The following LINC00632 variants were observed in gnomAD, a reference collection of about 807,000 sequenced individuals.
LINC00632 encodes ALDOA related specific transcript.
chrX:140,736,753 C>T (rs1244262125), intron 3 of LINC00632, among the ~76,000 whole-genome samples: 2 of 108,873 alleles, frequency 1.8e-5, no homozygotes, highest in Non-Finnish European at 3.8e-5. Context: ...AACTTTTTAA[C>T]GATATTTTAT....
chrX:140,747,724 C>T (rs1222822676), intron 3 of LINC00632, among the ~76,000 whole-genome samples: 1 of 111,061 alleles, frequency 9.0e-6, no homozygotes, highest in Non-Finnish European at 1.9e-5. Context: ...TTTTTGAAGA[C>T]GTGGAATTAG....
chrX:140,775,506 T>C (rs1931859398), exon 5 of LINC00632, among the ~76,000 whole-genome samples: 1 of 112,238 alleles, frequency 8.9e-6, no homozygotes, highest in South Asian at 3.7e-4. Context: ...TGAACTCAGT[T>C]GGACAGTTAT....
chrX:140,780,960 C>A (rs1049693327), exon 5 of LINC00632, among the ~76,000 whole-genome samples: 1 of 110,180 alleles, frequency 9.1e-6, no homozygotes, highest in Non-Finnish European at 1.9e-5. Context: ...ATCTAGTAGT[C>A]TTTGCTATTC....
intron 2 of LINC00632, among the ~76,000 whole-genome samples, chrX:140,727,467 A>T (rs1930982245): frequency 9.0e-6 from 1 of 110,739 alleles, no homozygotes; most frequent in Non-Finnish European, 1.9e-5. Flanking sequence ...AATTTTTGGT[A>T]TTTTTAATAG....
chrX:140,724,901 C>CAGACATTCCATACACACACAGAG (rs1377517658), intron 2 of LINC00632, among the ~76,000 whole-genome samples: 1 of 35,826 alleles, frequency 2.8e-5, no homozygotes, highest in Non-Finnish European at 5.9e-5. Context: ...TACACACACA[C>CAGACATTCCATACACACACAGAG]ACACATTCCA....
chrX:140,763,527 T>A (rs888471298), intron 3 of LINC00632, among the ~76,000 whole-genome samples: 11 of 111,786 alleles, frequency 9.8e-5, no homozygotes, highest in Non-Finnish European at 1.9e-5. Flanking sequence ...CACTGCTTTC[T>A]CTGAGACTCA....
At chrX:140,730,245 G>A (rs941788222) in intron 2 of LINC00632, among the ~76,000 whole-genome samples, 11 of 109,221 alleles carry the variant, frequency 1.0e-4, no homozygotes, top group Middle Eastern at 4.7e-3. Flanking sequence ...GGCACAGATC[G>A]GCACCACAAG....
exon 5 of LINC00632, chrX:140,782,637 C>T (rs1418916066): frequency 9.0e-6 from 1 of 111,728 alleles, no homozygotes; most frequent in Non-Finnish European, 1.9e-5. Flanking sequence ...CCAGCACTTA[C>T]ATCATTCAGT....
rs146087941 is a variant in LINC00632 at position 140,784,874 on chromosome X, C to G, written n.12893C>G. ...GACCAGATCTTATGAACCAACAGTACTGCAGTTTGTGTTTTTTACTATTAG... is the reference window on the plus strand; with the variant it reads ...GACCAGATCTTATGAACCAACAGTAGTGCAGTTTGTGTTTTTTACTATTAG... On this transcript the variant is annotated non_coding_transcript_exon_variant, in exon 5 of 5. Coordinates refer to ENST00000648200, the Ensembl canonical transcript of LINC00632. 4.3e-3 allele frequency: 560 copies of G among 128,848 alleles called. 4 individuals carry two copies. Among genetic ancestry groups the G allele is most frequent in the African/African-American group, 0.017 (512 of 30,944 alleles). 10.6% of individuals were successfully genotyped at this position (128,848 alleles called of 1,213,427 possible).
chrX:140,776,492 T>TCTTC (rs1307292313), exon 5 of LINC00632, among the ~76,000 whole-genome samples: 14 of 112,992 alleles, frequency 1.2e-4, no homozygotes, highest in Non-Finnish European at 2.3e-4. Context: ...GCGCTGTCCC[T>TCTTC]CTTCCTTCCT....
exon 5 of LINC00632, among the ~76,000 whole-genome samples, chrX:140,779,136 GCA>G (rs1226064414): frequency 2.7e-5 from 3 of 111,373 alleles, no homozygotes; most frequent in East Asian, 2.8e-4. Context: ...TATGTTTTAT[GCA>G]CAGTTTGAGT....
At chrX:140,783,861 C>A (rs538565518) in exon 5 of LINC00632, 13 of 1,208,655 alleles carry the variant, frequency 1.1e-5, no homozygotes, top group African/African-American at 8.8e-5. Context: ...AGAAAATCCA[C>A]GTCTTCCCAA....
At chrX:140,742,534 G>A (rs1422042232) in intron 3 of LINC00632, among the ~76,000 whole-genome samples, 1 of 111,066 alleles carries the variant, frequency 9.0e-6, no homozygotes, top group Non-Finnish European at 1.9e-5. Flanking sequence ...GTAGATCCAA[G>A]TAGACAACTT....
chrX:140,724,451 TACAC>T (rs1930869934), intron 2 of LINC00632, among the ~76,000 whole-genome samples: 2 of 91,023 alleles, frequency 2.2e-5, no homozygotes, highest in Non-Finnish European at 2.2e-5. Context: ...AGACATTCCA[TACAC>T]ACACAGAGGC....
intron 3 of LINC00632, among the ~76,000 whole-genome samples, chrX:140,736,073 C>A (rs967349823): frequency 9.0e-6 from 1 of 111,186 alleles, no homozygotes; most frequent in Non-Finnish European, 1.9e-5. Flanking sequence ...TTATTAAAAC[C>A]ATGGATAAAT....
At chrX:140,770,987 C>A (rs575637267) in intron 3 of LINC00632, among the ~76,000 whole-genome samples, 1 of 111,467 alleles carries the variant, frequency 9.0e-6, no homozygotes, top group East Asian at 2.8e-4. Context: ...ACCTGGTTAC[C>A]CAGGAGTTAT....
chrX:140,777,774 T>G (rs1379558949), exon 5 of LINC00632, among the ~76,000 whole-genome samples: 1 of 112,555 alleles, frequency 8.9e-6, no homozygotes, highest in African/African-American at 3.2e-5. Context: ...GTCTTTCAAA[T>G]GAGAGAATAA....
At chrX:140,710,099 G>T (rs1275380033) in intron 1 of LINC00632, among the ~76,000 whole-genome samples, 2 of 112,214 alleles carry the variant, frequency 1.8e-5, no homozygotes. Context: ...CTAAATTGGA[G>T]AATTGCTTTC....
intron 3 of LINC00632, among the ~76,000 whole-genome samples, chrX:140,770,997 T>C (rs1270566030): frequency 1.8e-5 from 2 of 111,815 alleles, no homozygotes; most frequent in East Asian, 2.8e-4. Flanking sequence ...CCAGGAGTTA[T>C]GGCACTACCA....
Sources: allele counts gnomAD v4.1 joint callset (sites outside exome capture counted in the v4.1 genomes callset), GRCh38; gene constraint gnomAD v4.1.1; transcripts MANE v1.5; gene names NCBI Gene and HGNC (gene_info 2026-07-23, HGNC 2026-07-21).